BCAS3: variants seen among roughly 807,000 people sequenced by gnomAD.
BCAS3 encodes the protein BCAS4/BCAS3 fusion.
A neutral mutation model predicts 116.1 loss-of-function variants in BCAS3; 53 were observed. The ratio of observed to expected loss-of-function variants is 0.46; its 90% CI spans 0.37 to 0.57. BCAS3 has a LOEUF of 0.57. Ranked by LOEUF, BCAS3 falls within the 20% of genes least tolerant of loss-of-function variation. The probability of loss-of-function intolerance (pLI) is 0.00; values close to 1 mark genes in which losing one functional copy is unlikely to be tolerated. For missense variants in BCAS3, 917 were observed against 1,165.4 expected (o/e 0.79, Z 3.10); for synonymous variants, 391 against 408.2 (o/e 0.96, Z 0.51).
chr17:61,338,572 TA>T (rs1467920632), intron 22 of BCAS3, among the ~76,000 whole-genome samples: 1 of 152,130 alleles, frequency 6.6e-6, no homozygotes, highest in Non-Finnish European at 1.5e-5. Context: ...GGAAGTAGGT[TA>T]GGGGTAGCAG....
chr17:60,815,477 C>T (rs900672824), intron 7 of BCAS3, among the ~76,000 whole-genome samples: 2 of 152,028 alleles, frequency 1.3e-5, no homozygotes, highest in Non-Finnish European at 2.9e-5. Flanking sequence ...AGTCCAGTGC[C>T]AACTTATGTC....
intron 14 of BCAS3, among the ~76,000 whole-genome samples, chr17:60,953,037 C>G (rs2060927978): frequency 1.3e-5 from 2 of 151,674 alleles, no homozygotes; most frequent in South Asian, 4.2e-4. Context: ...TAGGTTGATT[C>G]CATGTCTTTG....
At chr17:60,947,506 C>T (rs1039354635) in intron 14 of BCAS3, among the ~76,000 whole-genome samples, 154 bp downstream of exon 14, 8 of 152,080 alleles carry the variant, frequency 5.3e-5, no homozygotes, top group Admixed American at 6.6e-5. Context: ...GGAAAAATTC[C>T]GTTTTGACCC....
intron 22 of BCAS3, among the ~76,000 whole-genome samples, chr17:61,163,179 C>T (rs897479344): frequency 1.3e-5 from 2 of 152,166 alleles, no homozygotes; most frequent in Non-Finnish European, 2.9e-5. Flanking sequence ...AATCCCAGCA[C>T]CTGGGGAGGC....
intron 22 of BCAS3, among the ~76,000 whole-genome samples, chr17:61,192,661 A>G (rs948242940): frequency 2.0e-5 from 3 of 152,332 alleles, no homozygotes; most frequent in Non-Finnish European, 4.4e-5. Context: ...ATACTTTTAC[A>G]CAGTGGCAGT....
At chr17:60,996,502 A>G (rs986292059) in intron 15 of BCAS3, among the ~76,000 whole-genome samples, 3 of 152,316 alleles carry the variant, frequency 2.0e-5, no homozygotes, top group African/African-American at 2.4e-5. Context: ...GTTGGTGTCA[A>G]TTGAAATGAA....
intron 6 of BCAS3, among the ~76,000 whole-genome samples, chr17:60,797,358 TTTTA>T (rs550694588): frequency 1.3e-5 from 2 of 151,728 alleles, no homozygotes; most frequent in African/African-American, 2.4e-5. Context: ...TTATTTTTAC[TTTTA>T]TTTATTTATT....
intron 7 of BCAS3, among the ~76,000 whole-genome samples, chr17:60,824,541 C>T (rs780704870): frequency 2.6e-5 from 4 of 152,168 alleles, no homozygotes; most frequent in Non-Finnish European, 4.4e-5. Flanking sequence ...TTCAGCATTT[C>T]CCTGCTCAGG....
At chr17:61,269,407 G>T (rs544523165) in intron 22 of BCAS3, among the ~76,000 whole-genome samples, 1 of 152,066 alleles carries the variant, frequency 6.6e-6, no homozygotes, top group Non-Finnish European at 1.5e-5. Flanking sequence ...GAGCCACCGC[G>T]CCCGGCCATT....
At chr17:60,766,823 C>T (rs888541626) in intron 6 of BCAS3, among the ~76,000 whole-genome samples, 5 of 152,198 alleles carry the variant, frequency 3.3e-5, no homozygotes, top group South Asian at 4.1e-4. Flanking sequence ...CAGAGGCAGG[C>T]GGGCCCTGTT....
chr17:61,338,714 G>C (rs1352934887), intron 22 of BCAS3, among the ~76,000 whole-genome samples: 1 of 151,992 alleles, frequency 6.6e-6, no homozygotes, highest in Non-Finnish European at 1.5e-5. Context: ...ATCTGGCAGT[G>C]CAGGCCCGCG....
chr17:61,218,558 A>G (rs1370249781), intron 22 of BCAS3, among the ~76,000 whole-genome samples: 1 of 152,210 alleles, frequency 6.6e-6, no homozygotes, highest in East Asian at 1.9e-4. Context: ...ACAGGGATGG[A>G]TCTGCACAGT....
At chr17:61,062,355 C>G (rs1159578059) in intron 19 of BCAS3, among the ~76,000 whole-genome samples, 1 of 152,100 alleles carries the variant, frequency 6.6e-6, no homozygotes, top group African/African-American at 2.4e-5. Context: ...TAAGAATGCT[C>G]TTATTGTTAC....
chr17:61,086,993 T>C (rs1370467308), intron 22 of BCAS3: 4 of 985,360 alleles, frequency 4.1e-6, no homozygotes, highest in Non-Finnish European at 4.8e-6. Flanking sequence ...GAAAACAACA[T>C]CTAGGCTAAC....
At chr17:60,878,861 T>C (rs1176095213) in intron 9 of BCAS3, among the ~76,000 whole-genome samples, 1 of 152,318 alleles carries the variant, frequency 6.6e-6, no homozygotes, top group East Asian at 1.9e-4. Flanking sequence ...TCCTCTAAAG[T>C]GATTTATATC....
intron 7 of BCAS3, among the ~76,000 whole-genome samples, chr17:60,820,193 G>A (rs900980566): frequency 1.6e-4 from 24 of 151,572 alleles, no homozygotes; most frequent in African/African-American, 3.9e-4. Context: ...TCAGCCTCCC[G>A]AGTAGCTGGG....
At chr17:60,971,692 A>G (rs2061971018) in intron 14 of BCAS3, among the ~76,000 whole-genome samples, 1 of 152,188 alleles carries the variant, frequency 6.6e-6, no homozygotes, top group Admixed American at 6.5e-5. Context: ...TGACAGTGGA[A>G]TAAAAGATAA....
rs543936210 is a variant in BCAS3 at position 61,200,783 on chromosome 17, A to G, written c.2425+116219A>G. Among the ~76,000 whole-genome samples, 27 of 152,204 alleles carry G rather than the reference A, an allele frequency of 1.8e-4. No homozygotes were observed. The highest frequency in any genetic ancestry group is 3.4e-4 in the Non-Finnish European group (23 of 68,032). The stretch of plus-strand genomic sequence containing the variant: ...ACAGTTAACCTGTTTGAGCCTAATA[A>G]TCAAGTATTGTACTGAAATTCCAAA... On this transcript the variant is annotated intron_variant, in intron 22 of 23. Transcript: ENST00000407086. The surrounding 1 kb of genome is among the most constrained non-coding windows in gnomAD (Gnocchi z 5.1).
intron 22 of BCAS3, among the ~76,000 whole-genome samples, chr17:61,288,341 C>G (rs2052039724): frequency 6.6e-6 from 1 of 152,142 alleles, no homozygotes; most frequent in South Asian, 2.1e-4. Context: ...GACCTGGGTG[C>G]TTGATTCCAG....
Sources: allele counts gnomAD v4.1 joint callset (sites outside exome capture counted in the v4.1 genomes callset), GRCh38; gene constraint gnomAD v4.1.1; non-coding constraint Gnocchi (gnomAD v3.1); transcripts MANE v1.5; gene names NCBI Gene and HGNC (gene_info 2026-07-23, HGNC 2026-07-21).